Variants in LMBRD2 observed in about 807,000 individuals in gnomAD.
LMBRD2 encodes the protein G protein-coupled receptor-associated protein LMBRD2.
LMBRD2 carries 55 observed loss-of-function variants against 94.4 expected under a neutral mutation model. The ratio of observed to expected loss-of-function variants is 0.58; its 90% CI spans 0.47 to 0.73. The LOEUF (loss-of-function observed/expected upper bound fraction) is 0.73, where lower values mean the gene tolerates loss of function less well. Among genes scored for constraint, LMBRD2 ranks in the 30% least tolerant of loss-of-function variants. The pLI is 0.00. For synonymous variants in LMBRD2, 246 were observed against 272.4 expected (o/e 0.90, Z 0.95); for missense variants, 640 against 831.9 (o/e 0.77, Z 2.84).
At chr5:36,139,697 G>C (rs1336315530) in intron 4 of LMBRD2, among the ~76,000 whole-genome samples, 1 of 152,146 alleles carries the variant, frequency 6.6e-6, no homozygotes, top group Non-Finnish European at 1.5e-5. Flanking sequence ...TCTCTACTGG[G>C]GGCTGCACAG....
intron 2 of LMBRD2, among the ~76,000 whole-genome samples, chr5:36,142,945 T>C (rs1160238714): frequency 2.0e-5 from 3 of 151,980 alleles, no homozygotes; most frequent in Non-Finnish European, 4.4e-5. Context: ...CAGGATAGTC[T>C]CGATCTCCTG....
intron 9 of LMBRD2, 70 bp downstream of exon 9, chr5:36,122,210 A>C (rs1371451812): frequency 1.7e-6 from 2 of 1,154,902 alleles, no homozygotes; most frequent in East Asian, 2.4e-5. Context: ...TGCATTGGTG[A>C]AAATACATAA....
chr5:36,122,308 A>G lies in LMBRD2; in HGVS notation c.1092T>C (p.Phe364=), dbSNP rs781145437. The G allele has an allele frequency of 1.6e-5, 26 of 1,603,164 alleles. No individual in the cohort carries two copies. Among genetic ancestry groups the G allele is most frequent in the African/African-American group, 2.7e-5 (2 of 74,272 alleles). ...ATGTAGGATTATAAAAATATTGGAT[A>G]AATCGATTTTCTGGCTCTGGCGATT... is the stretch of plus-strand genomic sequence containing the variant. ...TFQSPEPENR[F]IQYFYNPTFE... The change falls in exon 9 of 18, where the codon TTT becomes TTC. Residue 364 remains phenylalanine, a synonymous_variant. Transcript: ENST00000296603.
chr5:36,107,916 C>G (rs1743510304), intron 16 of LMBRD2, among the ~76,000 whole-genome samples: 1 of 152,062 alleles, frequency 6.6e-6, no homozygotes, highest in Non-Finnish European at 1.5e-5. Flanking sequence ...GCATCTCTCC[C>G]AAAAACAGCC....
At chr5:36,110,046 G>C in intron 14 of LMBRD2, 55 bp from the exon 15 acceptor site, 2 of 1,313,206 alleles carry the variant, frequency 1.5e-6, no homozygotes, top group South Asian at 1.2e-5. Flanking sequence ...ATCAGACATA[G>C]TGCAACTGAA....
chr5:36,140,100 C>G (rs1298964663), intron 4 of LMBRD2, among the ~76,000 whole-genome samples: 1 of 152,212 alleles, frequency 6.6e-6, no homozygotes, highest in East Asian at 1.9e-4. Flanking sequence ...TCTGAGGTTT[C>G]TGGCATCTCC....
chr5:36,136,188 C>A (rs1744265055), intron 6 of LMBRD2, 121 bp downstream of exon 6: 4 of 871,864 alleles, frequency 4.6e-6, no homozygotes, highest in South Asian at 1.5e-5. Context: ...AAGGATTGCA[C>A]AACACCAGTT....
At chr5:36,132,664 C>CAAAAAA (rs35930344) in intron 6 of LMBRD2, among the ~76,000 whole-genome samples, 4 of 133,964 alleles carry the variant, frequency 3.0e-5, no homozygotes, top group African/African-American at 1.1e-4. Flanking sequence ...TTGAATTTCT[C>CAAAAAA]AAAAAAAAAA....
chr5:36,109,857 T>C (rs1293266062), intron 15 of LMBRD2, 88 bp downstream of exon 15: 1 of 976,008 alleles, frequency 1.0e-6, no homozygotes, highest in African/African-American at 1.6e-5. Context: ...TTTTTCTGTC[T>C]TTAGCTAATT....
chr5:36,107,873 G>GGGTTT (rs1743509715), intron 16 of LMBRD2, among the ~76,000 whole-genome samples: 5 of 152,112 alleles, frequency 3.3e-5, no homozygotes, highest in African/African-American at 1.2e-4. Flanking sequence ...CCTGTGTACT[G>GGGTTT]AAGCCTCAGT....
At chr5:36,105,297 A>T (rs1476284540) in intron 16 of LMBRD2, 100 bp from the exon 17 acceptor site, 1 of 1,013,248 alleles carries the variant, frequency 9.9e-7, no homozygotes, top group African/African-American at 1.6e-5. Context: ...ATTCCAAGGA[A>T]TCTGAAGACA....
rs910098761 is a variant in LMBRD2 at position 36,109,624 on chromosome 5, C to A, written c.1791+321G>T. On this transcript the variant is annotated intron_variant, in intron 15 of 17. Coordinates refer to ENST00000296603, the MANE Select transcript of LMBRD2 (RefSeq NM_001007527.2). ...AAAAGAGAAACAATTTTAAAGCAAT[C>A]AAAACCACTTTAATAGCAAGAATAC... 2.0e-5 allele frequency among the ~76,000 whole-genome samples: 3 copies of A among 151,998 alleles called. No homozygotes were observed. In the South Asian group the frequency reaches 6.2e-4, roughly 32 times the overall value.
chr5:36,104,521 C>T (rs965396468), intron 17 of LMBRD2, among the ~76,000 whole-genome samples: 1 of 151,964 alleles, frequency 6.6e-6, no homozygotes, highest in African/African-American at 2.4e-5. Context: ...AGCATAATGG[C>T]TAAAAGTACA....
chr5:36,124,832 T>G (rs1743972671), intron 6 of LMBRD2, among the ~76,000 whole-genome samples: 1 of 152,166 alleles, frequency 6.6e-6, no homozygotes. Context: ...GTGGATCACT[T>G]GAGTCCCAGA....
intron 6 of LMBRD2, among the ~76,000 whole-genome samples, chr5:36,128,112 C>G (rs751095396): frequency 2.6e-5 from 4 of 152,190 alleles, no homozygotes; most frequent in African/African-American, 9.7e-5. Context: ...GAATCTCTGC[C>G]TGGTGCTCCA....
chr5:36,098,772 C>T lies in LMBRD2; in HGVS notation c.*5274G>A, dbSNP rs886623826. On this transcript the variant is annotated 3_prime_UTR_variant, in exon 18 of 18. Transcript: ENST00000296603. ...TAATTTGCTTATAGGTAGCACTTTG[C>T]AGCTTTTTCCAAGTACATATTTGAA... The T allele has an allele frequency of 1.3e-5, 2 of 152,000 alleles. No homozygotes were observed. The highest frequency in any genetic ancestry group is 6.6e-5 in the Admixed American group (1 of 15,236). The allele number at this position is 152,000 out of a possible 1,614,324, so 9.4% of individuals were successfully genotyped here. A position where few individuals can be genotyped will look rare whatever the true frequency, so the allele number is the denominator to read the frequency against.
chr5:36,146,048 T>A (rs143810489), intron 1 of LMBRD2, among the ~76,000 whole-genome samples: 24 of 152,350 alleles, frequency 1.6e-4, no homozygotes, highest in Non-Finnish European at 2.9e-4. Flanking sequence ...ACTATGGCAC[T>A]CTGTTTTTCA....
chr5:36,129,032 G>A (rs1744074055), intron 6 of LMBRD2, among the ~76,000 whole-genome samples: 1 of 152,132 alleles, frequency 6.6e-6, no homozygotes, highest in Non-Finnish European at 1.5e-5. Flanking sequence ...GAAGACACTT[G>A]AAAATTTGGC....
chr5:36,147,390 C>G (rs1203015009), intron 1 of LMBRD2, among the ~76,000 whole-genome samples: 1 of 152,172 alleles, frequency 6.6e-6, no homozygotes, highest in South Asian at 2.1e-4. Context: ...GATGGTGATA[C>G]TAAAATGGGG....
Sources: gnomAD v4.1 joint callset for allele counts (sites outside exome capture counted in the v4.1 genomes callset) on GRCh38, gnomAD v4.1.1 for gene constraint, MANE v1.5 for transcripts, NCBI Gene and HGNC (gene_info 2026-07-23, HGNC 2026-07-21) for gene names.